Variants in RIMBP2 observed in about 807,000 individuals in gnomAD.
RIMBP2 encodes RIMS binding protein 2.
RIMBP2 carries 48 observed loss-of-function variants against 118.6 expected under a neutral mutation model. The ratio of observed to expected loss-of-function variants is 0.40; its 90% CI spans 0.32 to 0.51. RIMBP2 has a LOEUF of 0.51. Among genes scored for constraint, RIMBP2 ranks in the 20% least tolerant of loss-of-function variants. The probability of loss-of-function intolerance (pLI) is 0.41; values close to 1 mark genes in which losing one functional copy is unlikely to be tolerated. For synonymous variants in RIMBP2, 762 were observed against 742.9 expected, an observed-to-expected ratio of 1.03 and a Z score of -0.42; for missense variants, 1,551 against 1,768.3, an observed-to-expected ratio of 0.88 and a Z score of 2.20.
At chr12:130,470,794 A>G in intron 5 of RIMBP2, 51 bp from the exon 6 acceptor site, 1 of 1,086,156 alleles carries the variant, frequency 9.2e-7, no homozygotes, top group Non-Finnish European at 1.2e-6. Context: ...AGGGGAAAGA[A>G]GACAATCGGA....
At chr12:130,496,285 C>G (rs1423315281) in intron 4 of RIMBP2, among the ~76,000 whole-genome samples, 1 of 152,138 alleles carries the variant, frequency 6.6e-6, no homozygotes, top group Non-Finnish European at 1.5e-5. Context: ...GATTCTCATT[C>G]CCTTCTCTTC....
chr12:130,709,846 C>T (rs1949776883), intron 1 of RIMBP2, among the ~76,000 whole-genome samples: 3 of 152,174 alleles, frequency 2.0e-5, no homozygotes, highest in Admixed American at 6.5e-5. Context: ...CCCAGGCCCC[C>T]TCAGGAGGCC....
Position 130,683,732 on chromosome 12 carries a change from G to A in RIMBP2, c.-352+32490C>T, listed in dbSNP as rs968242181. On this transcript the variant is annotated intron_variant, in intron 1 of 22. Transcript: ENST00000690449. This position sits in a 1 kb window ranked among gnomAD's most constrained non-coding sequence, Gnocchi z 4.4. ...ATTGCTACACTCCCACCAGCACTAC[G>A]ACAATTTACAAACGCCATGGCAATG... Among the ~76,000 whole-genome samples, 3 of 152,254 alleles carry A rather than the reference G, an allele frequency of 2.0e-5. No individual in the cohort carries two copies. Among genetic ancestry groups the A allele is most frequent in the South Asian group, 4.1e-4 (2 of 4,820 alleles).
chr12:130,686,832 G>A (rs1030100651), intron 1 of RIMBP2, among the ~76,000 whole-genome samples: 1 of 152,210 alleles, frequency 6.6e-6, no homozygotes, highest in African/African-American at 2.4e-5. Context: ...GTGTCGAGGC[G>A]GGAAGGGGAC....
At chr12:130,451,366 G>A in intron 7 of RIMBP2, 26 bp from the exon 8 acceptor site, 1 of 1,585,520 alleles carries the variant, frequency 6.3e-7, no homozygotes, top group Non-Finnish European at 8.6e-7. Context: ...AAAACAAGTT[G>A]AAACAAATAT....
intron 1 of RIMBP2, among the ~76,000 whole-genome samples, chr12:130,713,272 A>AGGAT (rs1391881328): frequency 2.8e-5 from 4 of 140,402 alleles, no homozygotes; most frequent in Non-Finnish European, 6.2e-5. Flanking sequence ...GAAGGAAGGA[A>AGGAT]GGACTGAGGA....
intron 21 of RIMBP2, among the ~76,000 whole-genome samples, chr12:130,404,659 A>G (rs1281106667): frequency 2.6e-5 from 4 of 152,240 alleles, no homozygotes; most frequent in Non-Finnish European, 5.9e-5. Context: ...ATCTTTTCTG[A>G]CAGATGAAAG....
chr12:130,579,874 C>T (rs929706217), intron 2 of RIMBP2, among the ~76,000 whole-genome samples: 3 of 151,958 alleles, frequency 2.0e-5, no homozygotes, highest in Non-Finnish European at 4.4e-5. Flanking sequence ...AAAACCATCA[C>T]TTAATAAAGA....
chr12:130,572,197 C>CAGCCACAGTGT (rs1566284879), intron 2 of RIMBP2, among the ~76,000 whole-genome samples: 2 of 152,210 alleles, frequency 1.3e-5, no homozygotes, highest in Admixed American at 1.3e-4. Flanking sequence ...AGGGACAAAG[C>CAGCCACAGTGT]GGCCGGAAAA....
chr12:130,568,415 T>A (rs1218895173), intron 2 of RIMBP2, among the ~76,000 whole-genome samples: 2 of 152,180 alleles, frequency 1.3e-5, no homozygotes, highest in Non-Finnish European at 2.9e-5. Context: ...TAACCCTAAG[T>A]CAGCTCCTAT....
In RIMBP2 at chr12:130,422,935, C is replaced by T. The variant is rs1593239643; in HGVS notation, c.3130-374G>A. Among the ~76,000 whole-genome samples, 1 of 152,186 alleles carries T rather than the reference C, an allele frequency of 6.6e-6. No individual in the cohort carries two copies. Among genetic ancestry groups the T allele is most frequent in the South Asian group, 2.1e-4 (1 of 4,826 alleles). On this transcript the variant is annotated intron_variant, in intron 16 of 22. Transcript: ENST00000690449. This position sits in a 1 kb window ranked among gnomAD's most constrained non-coding sequence, Gnocchi z 5.2. Reference sequence around the variant, plus strand: ...GTCCCTCTTAGTCTCCACATGCCCCCCTCCCAGCTGTCACGAAAGTGGGGA... The same window carrying T: ...GTCCCTCTTAGTCTCCACATGCCCCTCTCCCAGCTGTCACGAAAGTGGGGA...
intron 2 of RIMBP2, among the ~76,000 whole-genome samples, chr12:130,608,540 T>G (rs996927668): frequency 2.0e-5 from 3 of 152,134 alleles, no homozygotes; most frequent in Non-Finnish European, 4.4e-5. Flanking sequence ...TGAAGAGGCT[T>G]CCCCAGGTCA....
At chr12:130,708,091 G>A (rs1330723583) in intron 1 of RIMBP2, among the ~76,000 whole-genome samples, 4 of 152,218 alleles carry the variant, frequency 2.6e-5, no homozygotes, top group East Asian at 3.9e-4. Flanking sequence ...ACCACAACAC[G>A]GGTGAACCTT....
At chr12:130,461,363 C>A (rs1407106181) in intron 6 of RIMBP2, among the ~76,000 whole-genome samples, 9 of 152,200 alleles carry the variant, frequency 5.9e-5, no homozygotes, top group Non-Finnish European at 7.3e-5. Flanking sequence ...CAGGGTAGAC[C>A]TGCAGGAACT....
rs1295500688 is a variant in RIMBP2 at position 130,492,018 on chromosome 12, C to T, written c.-3-13002G>A. ...ATTATCTCCTCAACGTCAGATCAAA[C>T]GTGGACTTGTCCTGTGCTTGGATGC... On this transcript the variant is annotated intron_variant, in intron 4 of 22. Coordinates refer to ENST00000690449, the MANE Select transcript of RIMBP2 (RefSeq NM_001393629.1). 4.6e-5 allele frequency among the ~76,000 whole-genome samples: 7 copies of T among 152,194 alleles called. No homozygotes were observed. The East Asian group carries it at 5.8e-4, about 13-fold the overall frequency.
At chr12:130,567,917 G>A (rs576218600) in intron 2 of RIMBP2, among the ~76,000 whole-genome samples, 16 of 152,220 alleles carry the variant, frequency 1.1e-4, no homozygotes, top group African/African-American at 3.6e-4. Flanking sequence ...TGATACACCT[G>A]TGCCTTTCAG....
At chr12:130,471,557 C>G (rs2081006393) in intron 5 of RIMBP2, among the ~76,000 whole-genome samples, 1 of 152,160 alleles carries the variant, frequency 6.6e-6, no homozygotes. Flanking sequence ...CCATGGAGGC[C>G]CCTCACTCTG....
chr12:130,695,085 T>C (rs1317428168), intron 1 of RIMBP2, among the ~76,000 whole-genome samples: 1 of 152,226 alleles, frequency 6.6e-6, no homozygotes, highest in Non-Finnish European at 1.5e-5. Flanking sequence ...GAGCACCTGT[T>C]CACTACAGAA....
chr12:130,437,362 C>T, intron 12 of RIMBP2, 71 bp from the exon 13 acceptor site: 7 of 1,299,382 alleles, frequency 5.4e-6, no homozygotes, highest in Non-Finnish European at 7.4e-6. Flanking sequence ...GGGAGCCGAC[C>T]AGTCCTCTGC....
Sources: allele counts gnomAD v4.1 joint callset (sites outside exome capture counted in the v4.1 genomes callset), GRCh38; gene constraint gnomAD v4.1.1; non-coding constraint Gnocchi (gnomAD v3.1); transcripts MANE v1.5; gene names NCBI Gene and HGNC (gene_info 2026-07-23, HGNC 2026-07-21).